The following PREP variants were observed in gnomAD, a reference collection of about 807,000 sequenced individuals.
The protein encoded by PREP is prolyl endopeptidase, also known as dJ355L5.1 (prolyl endopeptidase).
A neutral mutation model predicts 87.6 loss-of-function variants in PREP; 29 were observed. That is an observed-to-expected ratio of 0.33 (90% CI 0.25 to 0.45). The LOEUF (loss-of-function observed/expected upper bound fraction) is 0.45. PREP is among the 20% of genes least tolerant of loss of function. The probability of loss-of-function intolerance (pLI) is 1.00; values close to 1 mark genes in which losing one functional copy is unlikely to be tolerated. For synonymous variants in PREP, 337 were observed against 328.6 expected, an observed-to-expected ratio of 1.03 and a Z score of -0.28; for missense variants, 695 against 886.5, an observed-to-expected ratio of 0.78 and a Z score of 2.74.
intron 2 of PREP, among the ~76,000 whole-genome samples, chr6:105,393,648 AG>A (rs1425260681): frequency 6.6e-5 from 10 of 152,220 alleles, no homozygotes; most frequent in Admixed American, 5.2e-4. Flanking sequence ...AGCCACATTA[AG>A]GAAAAAAAAA....
chr6:105,376,364 C>A (rs978108514), intron 3 of PREP, 109 bp from the exon 4 acceptor site: 5 of 1,308,116 alleles, frequency 3.8e-6, no homozygotes, highest in Non-Finnish European at 5.2e-6. Context: ...TAAAAAGGTA[C>A]CACTGTAATC....
intron 7 of PREP, among the ~76,000 whole-genome samples, chr6:105,343,873 A>G (rs964201753): frequency 3.9e-5 from 6 of 152,224 alleles, no homozygotes; most frequent in African/African-American, 1.4e-4. Flanking sequence ...AGGAAACCAC[A>G]GGTGCTGGAG....
intron 7 of PREP, among the ~76,000 whole-genome samples, chr6:105,337,003 T>C (rs903819489): frequency 2.6e-5 from 4 of 152,192 alleles, no homozygotes; most frequent in African/African-American, 9.7e-5. Flanking sequence ...TACTTAGTCA[T>C]TTTCCCAATC....
intron 2 of PREP, among the ~76,000 whole-genome samples, chr6:105,385,801 A>C (rs1772977427): frequency 6.6e-6 from 1 of 152,184 alleles, no homozygotes; most frequent in African/African-American, 2.4e-5. Context: ...CCAAATTACA[A>C]GTCAGAAAAA....
At chr6:105,350,666 C>T (rs1215238412) in intron 7 of PREP, among the ~76,000 whole-genome samples, 1 of 152,178 alleles carries the variant, frequency 6.6e-6, no homozygotes, top group Non-Finnish European at 1.5e-5. Flanking sequence ...CAAGAGTTCT[C>T]TAACCCTGTC....
chr6:105,345,801 A>C (rs1771781038), intron 7 of PREP, among the ~76,000 whole-genome samples: 1 of 152,204 alleles, frequency 6.6e-6, no homozygotes, highest in Non-Finnish European at 1.5e-5. Context: ...CACCAGCCTC[A>C]GTTTCCTGGG....
At chr6:105,336,062 A>G (rs1771468367) in intron 7 of PREP, among the ~76,000 whole-genome samples, 1 of 152,220 alleles carries the variant, frequency 6.6e-6, no homozygotes, top group African/African-American at 2.4e-5. Context: ...GTTTGGGACC[A>G]GCTTGGCCAA....
intron 10 of PREP, among the ~76,000 whole-genome samples, chr6:105,289,952 G>C (rs1033008210): frequency 1.3e-5 from 2 of 152,154 alleles, no homozygotes; most frequent in African/African-American, 4.8e-5. Flanking sequence ...GGTGGGGGAA[G>C]GGCGGAGGGG....
At chr6:105,395,894 T>G (rs1381004862) in intron 2 of PREP, among the ~76,000 whole-genome samples, 1 of 152,242 alleles carries the variant, frequency 6.6e-6, no homozygotes, top group Non-Finnish European at 1.5e-5. Flanking sequence ...CCTGGTGCTT[T>G]CTAGCCAGTA....
intron 2 of PREP, 137 bp downstream of exon 2, chr6:105,397,716 G>A (rs562973925): frequency 1.6e-6 from 1 of 636,580 alleles, no homozygotes; most frequent in Non-Finnish European, 2.8e-6. Flanking sequence ...AAAAAGTAGT[G>A]GTAACAACAG....
rs369220661 is a variant in PREP, at chr6:105,368,970, G to C, written c.650C>G (p.Thr217Ser). Residue 217 changes from threonine to serine, a missense_variant, in exon 6 of 15, where the codon ACC becomes AGC. Physicochemically the swap from Thr to Ser is moderately conservative, Grantham distance 58. Around this residue, in one of 5 missense-constraint regions of PREP, gnomAD observed 517 missense variants for 620.3 expected, o/e 0.83. Coordinates refer to ENST00000652536, the MANE Select transcript of PREP (RefSeq NM_002726.5). ...ACACAAAATATCTTCTGACTGATCG[G>C]TTCCCAAGACATGGTAGTAGAGCTT... is the stretch of plus-strand genomic sequence containing the variant. ...HQKLYYHVLGTDQSEDILCAE... is the reference protein window; with the variant it reads ...HQKLYYHVLGSDQSEDILCAE... The C allele has an allele frequency of 1.8e-5, 29 of 1,613,876 alleles. No homozygotes were observed. The highest frequency in any genetic ancestry group is 2.4e-5 in the Non-Finnish European group (28 of 1,179,928).
chr6:105,391,132 AGGCTGAG>A (rs1429438572), intron 2 of PREP, among the ~76,000 whole-genome samples: 1 of 114,154 alleles, frequency 8.8e-6, no homozygotes, highest in Non-Finnish European at 1.7e-5. Flanking sequence ...GAACTTTGGG[AGGCTGAG>A]GGCTGAGGCC....
At chr6:105,332,022 T>A (rs1042295797) in intron 8 of PREP, among the ~76,000 whole-genome samples, 3 of 152,058 alleles carry the variant, frequency 2.0e-5, no homozygotes, top group African/African-American at 7.2e-5. Flanking sequence ...GAGCCTGGAA[T>A]GGGTTGCTGT....
chr6:105,368,006 C>T (rs914282785), intron 6 of PREP, among the ~76,000 whole-genome samples: 3 of 152,140 alleles, frequency 2.0e-5, no homozygotes, highest in Admixed American at 6.6e-5. Flanking sequence ...ATTTGGAATA[C>T]GGAAGATCAA....
At chr6:105,383,791 GA>G (rs1305612846) in intron 2 of PREP, among the ~76,000 whole-genome samples, 4 of 152,130 alleles carry the variant, frequency 2.6e-5, no homozygotes, top group African/African-American at 9.7e-5. Context: ...TACTCGTCAT[GA>G]CCAGGGAAAA....
Position 105,277,910 on chromosome 6 carries a change from A to C in PREP, c.*234T>G, listed in dbSNP as rs546385059. The C allele has an allele frequency of 8.6e-6, 5 of 582,596 alleles. No individual in the cohort carries two copies. Among genetic ancestry groups the C allele is most frequent in the Non-Finnish European group, 1.5e-5 (5 of 338,514 alleles). The allele number at this position is 582,596 out of a possible 1,614,324, so 36.1% of individuals were successfully genotyped here. On this transcript the variant is annotated 3_prime_UTR_variant, in exon 15 of 15. Coordinates refer to ENST00000652536, the MANE Select transcript of PREP (RefSeq NM_002726.5). ...TTTATCCCAACATGCCCTTAAAAAA[A>C]ACACCAAAAAACCACATGTGCCTAG...
At chr6:105,391,729 G>A (rs1026227310) in intron 2 of PREP, among the ~76,000 whole-genome samples, 2 of 152,238 alleles carry the variant, frequency 1.3e-5, no homozygotes, top group African/African-American at 4.8e-5. Flanking sequence ...CAGGGCACAC[G>A]CCCTAAGGGA....
At chr6:105,350,370 A>AT (rs922720047) in intron 7 of PREP, among the ~76,000 whole-genome samples, 1 of 152,162 alleles carries the variant, frequency 6.6e-6, no homozygotes, top group African/African-American at 2.4e-5. Context: ...GAAAAAAAAA[A>AT]CTTTAACAGG....
intron 1 of PREP, among the ~76,000 whole-genome samples, chr6:105,399,346 T>G (rs924561481): frequency 1.1e-4 from 16 of 152,198 alleles, no homozygotes; most frequent in African/African-American, 3.9e-4. Flanking sequence ...TGGCTCTGGC[T>G]GGGTGAGAAC....
Sources: allele counts gnomAD v4.1 joint callset (sites outside exome capture counted in the v4.1 genomes callset), GRCh38; gene constraint gnomAD v4.1.1; regional missense constraint gnomAD v4.1.1; transcripts MANE v1.5; gene names NCBI Gene and HGNC (gene_info 2026-07-23, HGNC 2026-07-21).